Variants in MARCHF1 observed in about 807,000 individuals in gnomAD.
The protein encoded by MARCHF1 is membrane associated ring-CH-type finger 1, also known as E3 ubiquitin-protein ligase MARCHF1.
In MARCHF1, 40 loss-of-function variants were observed where a neutral mutation model predicts 54.2. The observed-to-expected ratio is 0.74, with a 90% CI of 0.57 to 0.96. The LOEUF is 0.96. Among genes scored for constraint, MARCHF1 ranks in the 40% least tolerant of loss-of-function variants. The pLI, the probability that MARCHF1 is intolerant of heterozygous loss-of-function variation, is 0.00. For synonymous variants in MARCHF1, 236 were observed against 236.3 expected (o/e 1.00, Z 0.01); for missense variants, 586 against 656.5 (o/e 0.89, Z 1.17).
At chr4:164,289,585 GA>G (rs71600697) in intron 1 of MARCHF1, among the ~76,000 whole-genome samples, 3,907 of 131,032 alleles carry the variant, frequency 0.03, 92 homozygotes, top group East Asian at 0.13. Context: ...TACTTAGATG[GA>G]AAAAAAAAAA....
intron 9 of MARCHF1, among the ~76,000 whole-genome samples, chr4:163,544,050 G>T (rs1203311240): frequency 6.6e-6 from 1 of 152,152 alleles, no homozygotes; most frequent in Admixed American, 6.5e-5. Context: ...GAGTTCTAGG[G>T]TAAGACATTG....
chr4:163,724,025 G>T (rs994181764), intron 4 of MARCHF1, among the ~76,000 whole-genome samples: 30 of 152,164 alleles, frequency 2.0e-4, no homozygotes, highest in Non-Finnish European at 1.5e-4. Context: ...CTCTCAACTC[G>T]TCAAAGTCAT....
At chr4:163,978,104 C>G (rs991587929) in intron 3 of MARCHF1, among the ~76,000 whole-genome samples, 1 of 152,142 alleles carries the variant, frequency 6.6e-6, no homozygotes, top group African/African-American at 2.4e-5. Context: ...GAGATTGACA[C>G]CAAATCAGCA....
chr4:164,179,548 T>C (rs1730778813), intron 1 of MARCHF1, among the ~76,000 whole-genome samples: 1 of 152,172 alleles, frequency 6.6e-6, no homozygotes, highest in South Asian at 2.1e-4. Flanking sequence ...GCCTAATTAA[T>C]GTCAGTTGAT....
chr4:164,164,963 A>G (rs1275499874), intron 1 of MARCHF1, among the ~76,000 whole-genome samples: 1 of 152,032 alleles, frequency 6.6e-6, no homozygotes, highest in Non-Finnish European at 1.5e-5. Flanking sequence ...TAATCAGCAT[A>G]AGAAAAAGAA....
At chr4:163,537,110 A>T (rs114283210) in intron 9 of MARCHF1, among the ~76,000 whole-genome samples, 2,549 of 151,372 alleles carry the variant, frequency 0.017, 65 homozygotes, top group African/African-American at 0.057. Context: ...ATTTTTTTCT[A>T]CAAAATAAAT....
intron 8 of MARCHF1, among the ~76,000 whole-genome samples, chr4:163,562,357 G>A (rs1488925502): frequency 6.6e-6 from 1 of 151,970 alleles, no homozygotes; most frequent in Admixed American, 6.6e-5. Flanking sequence ...AACTACTCTT[G>A]CCAAAATTAC....
At chr4:163,620,594 CACACACACACACAGAGAGAGAG>C (rs1454847133) in intron 5 of MARCHF1, among the ~76,000 whole-genome samples, 4 of 92,876 alleles carry the variant, frequency 4.3e-5, no homozygotes, top group African/African-American at 2.3e-4. Flanking sequence ...CACACACACA[CACACACACACACAGAGAGAGAG>C]AGAGAGAGAG....
chr4:163,614,539 G>A (rs1741451617), intron 5 of MARCHF1, among the ~76,000 whole-genome samples: 2 of 151,828 alleles, frequency 1.3e-5, no homozygotes, highest in Non-Finnish European at 2.9e-5. Flanking sequence ...CCCAAATTTC[G>A]AAGTCATTCT....
intron 1 of MARCHF1, among the ~76,000 whole-genome samples, chr4:164,132,448 A>G (rs567205488): frequency 1.3e-5 from 2 of 152,296 alleles, no homozygotes; most frequent in East Asian, 3.9e-4. Context: ...TGGCAAGAAT[A>G]CATTAGAGGT....
intron 3 of MARCHF1, among the ~76,000 whole-genome samples, chr4:163,982,877 A>G (rs1358127092): frequency 6.6e-6 from 1 of 152,136 alleles, no homozygotes; most frequent in Non-Finnish European, 1.5e-5. Flanking sequence ...CTTCCCAAAA[A>G]CCATTTTAAA....
At chr4:164,038,316 A>G (rs1022922237) in intron 2 of MARCHF1, among the ~76,000 whole-genome samples, 7 of 152,062 alleles carry the variant, frequency 4.6e-5, no homozygotes, top group Non-Finnish European at 8.8e-5. Flanking sequence ...ACACGGTGAA[A>G]TCCTGTCTCT....
intron 1 of MARCHF1, among the ~76,000 whole-genome samples, chr4:164,125,925 T>G (rs1756169916): frequency 1.3e-5 from 2 of 152,202 alleles, no homozygotes; most frequent in South Asian, 4.1e-4. Context: ...CCCTGCCCCA[T>G]TCTGTGGAAA....
chr4:163,597,452 C>G (rs1386890944), intron 7 of MARCHF1, among the ~76,000 whole-genome samples: 1 of 152,130 alleles, frequency 6.6e-6, no homozygotes, highest in Non-Finnish European at 1.5e-5. Flanking sequence ...GAAGTTTAAA[C>G]TCTGTCATTG....
chr4:163,956,407 T>G (rs930467018), intron 3 of MARCHF1, among the ~76,000 whole-genome samples: 1 of 152,104 alleles, frequency 6.6e-6, no homozygotes, highest in African/African-American at 2.4e-5. Flanking sequence ...AAGTCACTGG[T>G]AAATTAGCTA....
At chr4:163,593,571 C>CT (rs1181205413) in intron 7 of MARCHF1, among the ~76,000 whole-genome samples, 7 of 152,040 alleles carry the variant, frequency 4.6e-5, no homozygotes, top group South Asian at 4.2e-4. Context: ...ATTTTCTGAT[C>CT]TTTTTTTTGT....
chr4:163,791,670 C>G (rs1482505632), intron 4 of MARCHF1, among the ~76,000 whole-genome samples: 2 of 152,116 alleles, frequency 1.3e-5, no homozygotes, highest in East Asian at 3.9e-4. Flanking sequence ...TCCCTCCCTC[C>G]CTTGAGCTTA....
intron 4 of MARCHF1, among the ~76,000 whole-genome samples, chr4:163,853,154 T>G (rs1579341042): frequency 6.6e-6 from 1 of 152,188 alleles, no homozygotes; most frequent in African/African-American, 2.4e-5. Flanking sequence ...CATACTAAGA[T>G]AGTCAAATAA....
At chr4:163,856,475 C>T (rs1225533000) in intron 3 of MARCHF1, among the ~76,000 whole-genome samples, 4 of 152,074 alleles carry the variant, frequency 2.6e-5, no homozygotes, top group Non-Finnish European at 4.4e-5. Context: ...GACAGTTAAG[C>T]GTGTGAAATG....
Sources: allele counts gnomAD v4.1 joint callset (sites outside exome capture counted in the v4.1 genomes callset), GRCh38; gene constraint gnomAD v4.1.1; transcripts MANE v1.5; gene names NCBI Gene and HGNC (gene_info 2026-07-23, HGNC 2026-07-21).